FBXL6: variants seen among roughly 807,000 people sequenced by gnomAD.
The protein encoded by FBXL6 is F-box and leucine rich repeat protein 6, also known as F-box/LRR-repeat protein 6.
FBXL6 carries 50 observed loss-of-function variants against 53.3 expected under a neutral mutation model. The observed-to-expected ratio is 0.94, with a 90% confidence interval of 0.75 to 1.19. FBXL6 has a LOEUF of 1.19. Among genes scored for constraint, FBXL6 ranks in the 50% most tolerant of loss-of-function variants. FBXL6 has a pLI of 0.00. For synonymous variants in FBXL6, 405 were observed against 322.9 expected (o/e 1.25, Z -2.73); for missense variants, 815 against 719.0 (o/e 1.13, Z -1.53).
Position 144,356,909 on chromosome 8 carries a change from A to T in FBXL6, c.778T>A (p.Ser260Thr), listed in dbSNP as rs1564649351. The change falls in exon 5 of 9, where the codon TCC becomes ACC. Residue 260 changes from serine to threonine, a missense_variant. Transcript: ENST00000331890. ...TCCAAGAAGCTCACCACAGCTGTGG[A>T]CTCCACCTGGGGCCCCAATACAAGA... is the stretch of plus-strand genomic sequence containing the variant. ...SLDLQHSMVE[S>T]TAVVSFLEEA... The T allele has an allele frequency of 6.2e-7, 1 of 1,612,826 alleles. No individual in the cohort carries two copies. Among genetic ancestry groups the T allele is most frequent in the Non-Finnish European group, 8.5e-7 (1 of 1,179,906 alleles).
rs191369551 is a variant in FBXL6, at chr8:144,357,616, G to A, written c.575+12C>T. On this transcript the variant is annotated intron_variant, in intron 2 of 8. Transcript: ENST00000331890. The stretch of plus-strand genomic sequence containing the variant: ...CTGGAGCCAGGGGTAAGGAAGAGAG[G>A]GAACCCCTCACCGATTGGGCATAAG... The A allele has an allele frequency of 1.8e-4, 292 of 1,605,248 alleles. 3 individuals carry two copies. The highest frequency in any genetic ancestry group is 5.0e-5 in the Admixed American group (3 of 59,596).
chr8:144,356,526 C>A lies in FBXL6; in HGVS notation c.999G>T (p.Leu333=). 1 of 1,612,948 alleles carries A rather than the reference C, an allele frequency of 6.2e-7. No homozygotes were observed. The highest frequency in any genetic ancestry group is 8.5e-7 in the Non-Finnish European group (1 of 1,179,948). Residue 333 remains leucine, a synonymous_variant, in exon 7 of 9, where the codon CTG becomes CTT. Transcript: ENST00000331890. ...LQKGCPQLQV[L]RLLNLMWLPK... ...GCAGCCACATCAGGTTCAACAGCCG[C>A]AGCACCTGGGGGCAAGGTCCAGGCT...
At position 144,358,439 on chromosome 8, in the gene FBXL6, G is replaced by C; in HGVS notation, c.9C>G (p.Ala3=). MA[A]PASRQVRRRA... ...TGCGTCGGACCTGCCGGGAGGCTGG[G>C]GCAGCCATGACCACCGACGGCGCTC... The change falls in exon 1 of 9, where the codon GCC becomes GCG. Residue 3 remains alanine, a synonymous_variant. Transcript: ENST00000331890. 8.0e-7 allele frequency: 1 copy of C among 1,243,170 alleles called. No homozygotes were observed. The highest frequency in any genetic ancestry group is 1.0e-6 in the Non-Finnish European group (1 of 993,990). 77.0% of individuals were successfully genotyped at this position (1,243,170 alleles called of 1,614,324 possible).
chr8:144,356,461 A>T lies in FBXL6; in HGVS notation c.1064T>A (p.Phe355Tyr), dbSNP rs1554852806. The T allele has an allele frequency of 6.2e-7, 1 of 1,612,970 alleles. No homozygotes were observed. Among genetic ancestry groups the T allele is most frequent in the African/African-American group, 1.3e-5 (1 of 75,056 alleles). ...CAGGCAGAGCTCCTCTAGGCTAGGG[A>T]AGCCTGGTCCGGGAGCCACCCCTCG... ...PGRGVAPGPGFPSLEELCLAS... is the reference protein window; with the variant it reads ...PGRGVAPGPGYPSLEELCLAS... The change falls in exon 7 of 9, where the codon TTC (phenylalanine) becomes TAC (tyrosine). Residue 355 changes from phenylalanine (F) to tyrosine (Y), a missense_variant. Phe to Tyr is a conservative substitution (Grantham distance 22). Transcript: ENST00000331890.
At position 144,356,970 on chromosome 8, in the gene FBXL6, C is replaced by T; in HGVS notation, c.771+20G>A. On this transcript the variant is annotated intron_variant, in intron 4 of 8. Transcript: ENST00000331890. ...CCCCGGCCTGGGTTTTTTCAGGGCC[C>T]CTTGGGACACAGGGCTCACCATGGA... 1 of 1,612,996 alleles carries T rather than the reference C, an allele frequency of 6.2e-7. No individual in the cohort carries two copies. The highest frequency in any genetic ancestry group is 8.5e-7 in the Non-Finnish European group (1 of 1,179,978).
chr8:144,356,698 G>C lies in FBXL6; in HGVS notation c.895C>G (p.Gln299Glu). The C allele has an allele frequency of 6.2e-7, 1 of 1,612,346 alleles. No individual in the cohort carries two copies. Among genetic ancestry groups the C allele is most frequent in the Non-Finnish European group, 8.5e-7 (1 of 1,179,904 alleles). Residue 299 changes from glutamine to glutamate, a missense_variant, in exon 6 of 9, where the codon CAG (glutamine) becomes GAG (glutamate). Transcript: ENST00000331890. ...LGALLGSCCP[Q>E]LQVLEVSTGI... Reference sequence around the variant, plus strand: ...GTGCTCACCTCCAGGACCTGGAGCTGGGGGCAGCAGCTGCCCTGCAGAGAT... The same window carrying C: ...GTGCTCACCTCCAGGACCTGGAGCTCGGGGCAGCAGCTGCCCTGCAGAGAT...
intron 1 of FBXL6, 103 bp downstream of exon 1, chr8:144,357,929 G>GCGCGCTCCGATGCTTT: frequency 6.9e-7 from 1 of 1,451,292 alleles, no homozygotes; most frequent in Non-Finnish European, 9.0e-7. Context: ...ACTGAGCGGT[G>GCGCGCTCCGATGCTTT]CGCGCTCCGA....
At chr8:144,355,795 G>A (rs1314492949) in intron 8 of FBXL6, 117 bp from the exon 9 acceptor site, 3 of 1,522,312 alleles carry the variant, frequency 2.0e-6, no homozygotes, top group East Asian at 2.4e-5. Context: ...AGCCACCAAG[G>A]CCAAGCCCAG....
At chr8:144,357,194 G>C in intron 3 of FBXL6, 73 bp from the exon 4 acceptor site, 1 of 1,589,074 alleles carries the variant, frequency 6.3e-7, no homozygotes, top group Non-Finnish European at 8.6e-7. Context: ...CAGACAAGTG[G>C]CTGGTGCCAA....
chr8:144,357,729 G>T lies in FBXL6; in HGVS notation c.474C>A (p.His158Gln). ...QEAASQPALW[H>Q]TVTLSSPLVG... ...CCAGCGGGGACGACAGGGTCACGGT[G>T]TGCCAGAGCGCGGGTTGGGAAGCGG... Residue 158 changes from histidine (H) to glutamine (Q), a missense_variant, in exon 2 of 9, where the codon CAC becomes CAA. Transcript: ENST00000331890. 1 of 1,605,742 alleles carries T rather than the reference G, an allele frequency of 6.2e-7. No homozygotes were observed.
Position 144,356,902 on chromosome 8 carries a change from G to C in FBXL6, c.785C>G (p.Ala262Gly). 1 of 1,613,338 alleles carries C rather than the reference G, an allele frequency of 6.2e-7. No homozygotes were observed. Among genetic ancestry groups the C allele is most frequent in the African/African-American group, 1.3e-5 (1 of 75,052 alleles). ...DLQHSMVEST[A>G]VVSFLEEAGS... ...TGCCTCCTCCAAGAAGCTCACCACA[G>C]CTGTGGACTCCACCTGGGGCCCCAA... Residue 262 changes from alanine to glycine, a missense_variant, in exon 5 of 9, where the codon GCT (alanine) becomes GGT (glycine). Coordinates refer to ENST00000331890, the MANE Select transcript of FBXL6 (RefSeq NM_012162.4).
rs1379478780 is a variant in FBXL6, at chr8:144,355,684, G to A, written c.1473-6C>T. On this transcript the variant is annotated splice_region_variant and splice_polypyrimidine_tract_variant and intron_variant, in intron 8 of 8. Coordinates refer to ENST00000331890, the MANE Select transcript of FBXL6 (RefSeq NM_012162.4). ...GGCAGCCGCTGATCACAGAGCTGTGGGGAGGGCAGACCACAGGAAGTTGAG... is the reference window on the plus strand; with the variant it reads ...GGCAGCCGCTGATCACAGAGCTGTGAGGAGGGCAGACCACAGGAAGTTGAG... 3.7e-6 allele frequency: 6 copies of A among 1,610,230 alleles called. No individual in the cohort carries two copies. The South Asian group carries it at 4.4e-5, about 12-fold the overall frequency.
In FBXL6 at chr8:144,356,122, G is replaced by A. The variant is rs150592074; in HGVS notation, c.1318C>T (p.His440Tyr). Reference protein sequence around the residue: ...GSPFLTQKWCHTLRELDLSGQ... With the variant: ...GSPFLTQKWCYTLRELDLSGQ... ...CTCAAGTCCAGTTCTCGCAGTGTATGGCACCACTTCTGGGTCAAAAAGGGG... is the reference window on the plus strand; with the variant it reads ...CTCAAGTCCAGTTCTCGCAGTGTATAGCACCACTTCTGGGTCAAAAAGGGG... The change falls in exon 8 of 9, where the codon CAT becomes TAT. Residue 440 changes from histidine (H) to tyrosine (Y), a missense_variant. Transcript: ENST00000331890. 8.2e-5 allele frequency: 133 copies of A among 1,612,878 alleles called. No homozygotes were observed. Among genetic ancestry groups the A allele is most frequent in the Non-Finnish European group, 1.1e-4 (129 of 1,180,022 alleles).
rs373298729 is a variant in FBXL6 at position 144,357,068 on chromosome 8, G to A, written c.693C>T (p.His231=). 5.0e-4 allele frequency: 813 copies of A among 1,612,954 alleles called. No individual in the cohort carries two copies. Among genetic ancestry groups the A allele is most frequent in the Non-Finnish European group, 6.6e-4 (775 of 1,180,026 alleles). The part of the protein sequence containing the change: ...RLTFLKLSGC[H]GVTADALVML... ...TGACCAGAGCGTCAGCAGTCACACCGTGGCAGCCGGAGAGCTTGAGGAAAG... is the reference window on the plus strand; with the variant it reads ...TGACCAGAGCGTCAGCAGTCACACCATGGCAGCCGGAGAGCTTGAGGAAAG... The change falls in exon 4 of 9, where the codon CAC becomes CAT. Residue 231 remains histidine, a synonymous_variant. Transcript: ENST00000331890.
chr8:144,355,898 A>C (rs1818380668), intron 8 of FBXL6, 70 bp downstream of exon 8: 3 of 1,592,318 alleles, frequency 1.9e-6, no homozygotes, highest in Non-Finnish European at 2.6e-6. Flanking sequence ...GGCAGGACAC[A>C]ACTTCCAGGC....
At chr8:144,355,837 A>G in intron 8 of FBXL6, 131 bp downstream of exon 8, 3 of 1,529,328 alleles carry the variant, frequency 2.0e-6, no homozygotes, top group Non-Finnish European at 2.7e-6. Flanking sequence ...CACCCCACGC[A>G]GGGGCTTGGA....
Position 144,357,013 on chromosome 8 carries a change from T to C in FBXL6, c.748A>G (p.Ser250Gly). Residue 250 changes from serine (S) to glycine (G), a missense_variant, in exon 4 of 9, where the codon AGC (serine) becomes GGC (glycine). Coordinates refer to ENST00000331890, the MANE Select transcript of FBXL6 (RefSeq NM_012162.4). ...ACCATGGAGTGCTGTAGGTCCAGGCTATGGAGCTGGCAGCAGGCTTTGGCT... is the reference window on the plus strand; with the variant it reads ...ACCATGGAGTGCTGTAGGTCCAGGCCATGGAGCTGGCAGCAGGCTTTGGCT... ...MLAKACCQLH[S>G]LDLQHSMVES... 6.2e-7 allele frequency: 1 copy of C among 1,612,958 alleles called. No individual in the cohort carries two copies. Among genetic ancestry groups the C allele is most frequent in the Non-Finnish European group, 8.5e-7 (1 of 1,180,002 alleles).
At position 144,356,877 on chromosome 8, in the gene FBXL6, T is replaced by C. The variant is rs781950205; in HGVS notation, c.810A>G (p.Ala270=). ...GCCACAACTTGCGCATTCGGGACCC[T>C]GCCTCCTCCAAGAAGCTCACCACAG... ...STAVVSFLEE[A]GSRMRKLWLT... Residue 270 remains alanine, a synonymous_variant, in exon 5 of 9, where the codon GCA becomes GCG. Coordinates refer to ENST00000331890, the MANE Select transcript of FBXL6 (RefSeq NM_012162.4). 89 of 1,613,304 alleles carry C rather than the reference T, an allele frequency of 5.5e-5. No individual in the cohort carries two copies. Among genetic ancestry groups the C allele is most frequent in the Non-Finnish European group, 2.5e-6 (3 of 1,180,022 alleles).
At position 144,357,137 on chromosome 8, in the gene FBXL6, G is replaced by A. The variant is rs782018016; in HGVS notation, c.640-16C>T. ...CACCTACCAGCTGCGGGGAGACAGAGGGGCAGCTGGGGTTGGGAGACGACA... is the reference window on the plus strand; with the variant it reads ...CACCTACCAGCTGCGGGGAGACAGAAGGGCAGCTGGGGTTGGGAGACGACA... On this transcript the variant is annotated splice_polypyrimidine_tract_variant and intron_variant, in intron 3 of 8. Transcript: ENST00000331890. 8.1e-6 allele frequency: 13 copies of A among 1,612,528 alleles called. No homozygotes were observed. The highest frequency in any genetic ancestry group is 2.2e-5 in the South Asian group (2 of 91,026).
Sources: allele counts gnomAD v4.1 joint callset, GRCh38; gene constraint gnomAD v4.1.1; transcripts MANE v1.5; gene names NCBI Gene and HGNC (gene_info 2026-07-23, HGNC 2026-07-21).